The following CDIN1 variants were observed in gnomAD, a reference collection of about 807,000 sequenced individuals.
CDIN1 encodes CDAN1-interacting nuclease 1.
A neutral mutation model predicts 45.3 loss-of-function variants in CDIN1; 33 were observed. The observed-to-expected ratio is 0.73, with a 90% CI of 0.55 to 0.97. The LOEUF is 0.97. CDIN1 is among the 50% of genes least tolerant of loss of function. The pLI is 0.00. For missense variants in CDIN1, 303 were observed against 339.4 expected (o/e 0.89, Z 0.84); for synonymous variants, 118 against 124.4 (o/e 0.95, Z 0.34).
intron 10 of CDIN1, among the ~76,000 whole-genome samples, chr15:36,791,041 C>T (rs1185186156): frequency 6.6e-6 from 1 of 152,180 alleles, no homozygotes; most frequent in Non-Finnish European, 1.5e-5. Context: ...TGTTGTTCTC[C>T]TCTTTGTGTC....
chr15:36,735,389 A>G (rs898692986), intron 10 of CDIN1, among the ~76,000 whole-genome samples: 11 of 152,140 alleles, frequency 7.2e-5, no homozygotes, highest in African/African-American at 2.7e-4. Context: ...TAATTGGTAG[A>G]CTATACTAAG....
chr15:36,584,722 G>C (rs950635408), intron 1 of CDIN1, among the ~76,000 whole-genome samples: 2 of 152,032 alleles, frequency 1.3e-5, no homozygotes, highest in African/African-American at 4.8e-5. Context: ...ACTCACACTG[G>C]GGCTATTTAG....
rs543530331 is a variant in CDIN1, at chr15:36,691,193, A to G, written c.347-492A>G. The G allele has an allele frequency of 1.5e-5, 8 of 518,538 alleles. No individual in the cohort carries two copies. The East Asian group carries it at 3.8e-4, about 25-fold the overall frequency. 32.1% of individuals were successfully genotyped at this position (518,538 alleles called of 1,614,324 possible). A position where few individuals can be genotyped will look rare whatever the true frequency, so the allele number is the denominator to read the frequency against. On this transcript the variant is annotated intron_variant, in intron 5 of 10. Transcript: ENST00000566621. Reference sequence around the variant, plus strand: ...TTATTTTGGAAAGGTTTAGAATTAGAAGATTCTTTCATGGCTGAAAGCCAT... The same window carrying G: ...TTATTTTGGAAAGGTTTAGAATTAGGAGATTCTTTCATGGCTGAAAGCCAT...
chr15:36,643,368 A>G (rs961578418), intron 1 of CDIN1, among the ~76,000 whole-genome samples: 1 of 152,214 alleles, frequency 6.6e-6, no homozygotes, highest in South Asian at 2.1e-4. Context: ...TTTCATTTAT[A>G]AATAGAAAAA....
chr15:36,700,896 A>C (rs556845828), intron 8 of CDIN1, among the ~76,000 whole-genome samples: 1 of 152,024 alleles, frequency 6.6e-6, no homozygotes, highest in East Asian at 1.9e-4. Context: ...CAATATAGGG[A>C]GATCTTGTCT....
chr15:36,681,980 G>A (rs2041864798), intron 5 of CDIN1, among the ~76,000 whole-genome samples: 2 of 152,128 alleles, frequency 1.3e-5, no homozygotes, highest in Non-Finnish European at 2.9e-5. Flanking sequence ...TACGGCAAAT[G>A]TGTTGATAAA....
At chr15:36,608,196 C>A (rs1457658009) in intron 1 of CDIN1, among the ~76,000 whole-genome samples, 1 of 152,052 alleles carries the variant, frequency 6.6e-6, no homozygotes, top group South Asian at 2.1e-4. Context: ...TGGATAGATA[C>A]CTTGGAGCAG....
chr15:36,726,708 C>T (rs1359459384), intron 10 of CDIN1, among the ~76,000 whole-genome samples: 1 of 152,170 alleles, frequency 6.6e-6, no homozygotes, highest in Non-Finnish European at 1.5e-5. Flanking sequence ...CATTGCAACC[C>T]ACCACTCAGC....
At chr15:36,732,395 A>G (rs1251980351) in intron 10 of CDIN1, among the ~76,000 whole-genome samples, 1 of 152,148 alleles carries the variant, frequency 6.6e-6, no homozygotes, top group Non-Finnish European at 1.5e-5. Flanking sequence ...TACAAAAAAA[A>G]AATCACATTT....
chr15:36,783,707 T>C (rs767682519), intron 10 of CDIN1, among the ~76,000 whole-genome samples: 12 of 152,150 alleles, frequency 7.9e-5, no homozygotes, highest in African/African-American at 1.9e-4. Flanking sequence ...GAAAATATGA[T>C]TAAAACTGCT....
chr15:36,612,866 T>C (rs1285320878), intron 1 of CDIN1, among the ~76,000 whole-genome samples: 1 of 152,196 alleles, frequency 6.6e-6, no homozygotes, highest in Non-Finnish European at 1.5e-5. Context: ...TAAACATCTT[T>C]TCCCTAAGAA....
chr15:36,640,381 C>T (rs2140388184), intron 1 of CDIN1, among the ~76,000 whole-genome samples: 1 of 152,216 alleles, frequency 6.6e-6, no homozygotes, highest in South Asian at 2.1e-4. Flanking sequence ...AGAGGTTGTG[C>T]CTAGCAATTG....
intron 1 of CDIN1, among the ~76,000 whole-genome samples, chr15:36,621,885 T>C (rs1444404610): frequency 2.0e-5 from 3 of 151,914 alleles, no homozygotes; most frequent in Non-Finnish European, 1.5e-5. Context: ...TTTTTTTTTT[T>C]CCTCCAAGGG....
chr15:36,706,225 A>G (rs1449857180), intron 8 of CDIN1: 1 of 152,198 alleles, frequency 6.6e-6, no homozygotes, highest in African/African-American at 2.4e-5. Context: ...CAAAGAAAAA[A>G]CAGTTGCCCA....
chr15:36,635,995 G>A (rs898597510), intron 1 of CDIN1, among the ~76,000 whole-genome samples: 3 of 152,052 alleles, frequency 2.0e-5, no homozygotes, highest in African/African-American at 7.2e-5. Context: ...AGGTTCATTG[G>A]GAGTCTCGGG....
chr15:36,639,563 G>A (rs1196367907), intron 1 of CDIN1, among the ~76,000 whole-genome samples: 1 of 152,148 alleles, frequency 6.6e-6, no homozygotes, highest in Non-Finnish European at 1.5e-5. Context: ...ACTCCATCCT[G>A]GGTGACAGAG....
rs2055351674 is a variant in CDIN1, at chr15:36,810,207, TATG to T, written c.*1759_*1761del. The T allele has an allele frequency of 6.6e-6, 1 of 152,204 alleles. No homozygotes were observed. Among genetic ancestry groups the T allele is most frequent in the South Asian group, 2.1e-4 (1 of 4,832 alleles). 9.4% of individuals were successfully genotyped at this position (152,204 alleles called of 1,614,324 possible). On this transcript the variant is annotated 3_prime_UTR_variant, in exon 11 of 11. Transcript: ENST00000566621. ...TTTATTTTACATTAAACAAATTTAT[TATG>T]ATGAACGTGAACAAATAAATTAAAA...
intron 5 of CDIN1, among the ~76,000 whole-genome samples, chr15:36,690,466 C>T (rs577226543): frequency 6.6e-6 from 1 of 152,036 alleles, no homozygotes; most frequent in South Asian, 2.1e-4. Context: ...GACGGGGTTT[C>T]ACCTTGTTAG....
chr15:36,699,401 G>C (rs1482695205), intron 8 of CDIN1, among the ~76,000 whole-genome samples: 1 of 152,072 alleles, frequency 6.6e-6, no homozygotes, highest in African/African-American at 2.4e-5. Flanking sequence ...AAAAATATTG[G>C]TAAATAAACA....
Sources: allele counts gnomAD v4.1 joint callset (sites outside exome capture counted in the v4.1 genomes callset), GRCh38; gene constraint gnomAD v4.1.1; transcripts MANE v1.5; gene names NCBI Gene and HGNC (gene_info 2026-07-23, HGNC 2026-07-21).